DNAJC6: variants seen among roughly 807,000 people sequenced by gnomAD.
The protein encoded by DNAJC6 is DnaJ heat shock protein family (Hsp40) member C6.
DNAJC6 carries 34 observed loss-of-function variants against 110.0 expected under a neutral mutation model. That is an observed-to-expected ratio of 0.31 (90% CI 0.24 to 0.41). The LOEUF is 0.41. Among genes scored for constraint, DNAJC6 ranks in the 10% least tolerant of loss-of-function variants. The probability of loss-of-function intolerance (pLI) is 1.00; values close to 1 mark genes in which losing one functional copy is unlikely to be tolerated. For missense variants in DNAJC6, 1,031 were observed against 1,207.8 expected (o/e 0.85, Z 2.17); for synonymous variants, 406 against 437.2 (o/e 0.93, Z 0.89).
intron 1 of DNAJC6, among the ~76,000 whole-genome samples, chr1:65,322,911 T>C (rs1195009100): frequency 6.6e-6 from 1 of 152,176 alleles, no homozygotes; most frequent in African/African-American, 2.4e-5. Flanking sequence ...AGGTAGGCAA[T>C]ACATATTCAA....
chr1:65,377,235 G>A (rs1645775492), intron 4 of DNAJC6, among the ~76,000 whole-genome samples: 1 of 152,180 alleles, frequency 6.6e-6, no homozygotes, highest in Admixed American at 6.5e-5. Context: ...AAGATGAATT[G>A]GAGTTTACCA....
chr1:65,391,198 A>G (rs980782343), intron 11 of DNAJC6, among the ~76,000 whole-genome samples: 3 of 152,232 alleles, frequency 2.0e-5, no homozygotes, highest in Non-Finnish European at 4.4e-5. Flanking sequence ...CCTAAGTGAG[A>G]TAAATGAAGA....
At chr1:65,410,936 G>T (rs959797677) in intron 17 of DNAJC6, among the ~76,000 whole-genome samples, 8 of 152,320 alleles carry the variant, frequency 5.3e-5, no homozygotes, top group African/African-American at 1.9e-4. Flanking sequence ...ATTTAGTGCA[G>T]TATCTACCCT....
Position 65,336,999 on chromosome 1 carries a change from T to TTTG in DNAJC6, c.193+27080_193+27082dup, listed in dbSNP as rs372742654. Among the ~76,000 whole-genome samples the TTTG allele has an allele frequency of 2.7e-4, 41 of 151,750 alleles. 1 individual carries two copies. Among genetic ancestry groups the TTTG allele is most frequent in the African/African-American group, 2.4e-5 (1 of 41,302 alleles). On this transcript the variant is annotated intron_variant, in intron 1 of 18. Coordinates refer to ENST00000371069, the MANE Select transcript of DNAJC6 (RefSeq NM_001256864.2). ...ATGTCTCTTTTGTTCCTGTGTAATT[T>TTTG]TTGTTGTTGTTGTTGTTGTTGGGAA...
At chr1:65,320,589 T>A (rs554202384) in intron 1 of DNAJC6, among the ~76,000 whole-genome samples, 1 of 152,334 alleles carries the variant, frequency 6.6e-6, no homozygotes, top group East Asian at 1.9e-4. Flanking sequence ...CAGTTGATAC[T>A]CTTCATTCAT....
At chr1:65,389,842 C>T (rs929528074) in intron 11 of DNAJC6, among the ~76,000 whole-genome samples, 4 of 152,102 alleles carry the variant, frequency 2.6e-5, no homozygotes, top group Non-Finnish European at 4.4e-5. Flanking sequence ...GAGACCCTAT[C>T]TCAACAAAAA....
chr1:65,309,886 G>T lies in DNAJC6; in HGVS notation c.141G>T (p.Ala47=). The change falls in exon 1 of 19, where the codon GCG becomes GCT. Residue 47 remains alanine, a synonymous_variant. Coordinates refer to ENST00000371069, the MANE Select transcript of DNAJC6 (RefSeq NM_001256864.2). ...GKQRVNAGAA[A]RSPARQPPDR... is the part of the protein sequence containing the mutation. ...AGAGAGTGAACGCCGGGGCAGCGGC[G>T]CGGAGTCCCGCCCGACAGCCTCCGG... is the stretch of plus-strand genomic sequence containing the variant. 2 of 1,544,278 alleles carry T rather than the reference G, an allele frequency of 1.3e-6. No individual in the cohort carries two copies. Among genetic ancestry groups the T allele is most frequent in the Non-Finnish European group, 1.7e-6 (2 of 1,143,908 alleles).
At chr1:65,278,932 G>A in intron 1 of DNAJC6, 1 of 978,786 alleles carries the variant, frequency 1.0e-6, no homozygotes, top group Non-Finnish European at 1.2e-6. Context: ...GATGTATCCT[G>A]CGAGTCAGCA....
chr1:65,379,574 G>A, intron 5 of DNAJC6, 50 bp downstream of exon 5: 1 of 1,608,076 alleles, frequency 6.2e-7, no homozygotes, highest in Non-Finnish European at 8.5e-7. Flanking sequence ...GGTCAAATAT[G>A]GATGAGCCTG....
At chr1:65,406,565 A>T (rs542362042) in intron 16 of DNAJC6, among the ~76,000 whole-genome samples, 13 of 152,104 alleles carry the variant, frequency 8.5e-5, no homozygotes, top group Non-Finnish European at 1.5e-4. Flanking sequence ...AAAGTTGGGG[A>T]ATCTTTCAAG....
intron 4 of DNAJC6, 27 bp downstream of exon 4, chr1:65,366,223 A>G: frequency 4.3e-6 from 7 of 1,611,262 alleles, no homozygotes; most frequent in Non-Finnish European, 5.1e-6. Context: ...CTGAGATCAT[A>G]CTGTTGAAGA....
chr1:65,345,229 C>CGTGT (rs55934054), intron 1 of DNAJC6, among the ~76,000 whole-genome samples: 3,634 of 143,902 alleles, frequency 0.025, 149 homozygotes, highest in Admixed American at 0.12. Context: ...CTCTCCCTTT[C>CGTGT]GTGTGTGTGT....
At chr1:65,272,304 G>A (rs541308130) in intron 1 of DNAJC6, among the ~76,000 whole-genome samples, 1 of 152,290 alleles carries the variant, frequency 6.6e-6, no homozygotes, top group Non-Finnish European at 1.5e-5. Flanking sequence ...TGTATTATGT[G>A]CATCATATGA....
intron 1 of DNAJC6, among the ~76,000 whole-genome samples, chr1:65,275,543 G>A (rs1458993044): frequency 6.6e-6 from 1 of 152,128 alleles, no homozygotes; most frequent in African/African-American, 2.4e-5. Flanking sequence ...TGTCCCAGGT[G>A]TGGTTTTCTT....
At chr1:65,358,740 A>T (rs563439960) in intron 1 of DNAJC6, among the ~76,000 whole-genome samples, 202 of 152,332 alleles carry the variant, frequency 1.3e-3, no homozygotes, top group African/African-American at 4.7e-3. Flanking sequence ...ATATGGCGTT[A>T]TTAGAGATAT....
intron 1 of DNAJC6, among the ~76,000 whole-genome samples, chr1:65,301,588 A>G (rs1388740389): frequency 6.6e-6 from 1 of 152,116 alleles, no homozygotes; most frequent in Non-Finnish European, 1.5e-5. Flanking sequence ...AACTCAGGGA[A>G]ACACGTTTAT....
chr1:65,286,964 T>C (rs1447889457), intron 1 of DNAJC6, among the ~76,000 whole-genome samples: 1 of 152,204 alleles, frequency 6.6e-6, no homozygotes, highest in Non-Finnish European at 1.5e-5. Flanking sequence ...AACCCATGTT[T>C]TCTATGCTGT....
intron 16 of DNAJC6, among the ~76,000 whole-genome samples, chr1:65,407,392 C>G (rs1646086778): frequency 6.6e-6 from 1 of 152,142 alleles, no homozygotes; most frequent in Admixed American, 6.5e-5. Flanking sequence ...AAACCAACCG[C>G]ATATCATAGG....
At chr1:65,386,747 C>A in intron 7 of DNAJC6, 65 bp from the exon 8 acceptor site, 1 of 1,350,856 alleles carries the variant, frequency 7.4e-7, no homozygotes, top group Non-Finnish European at 1.1e-6. Flanking sequence ...AGAACTATAC[C>A]TGTGTCTGTG....
Sources: gnomAD v4.1 joint callset for allele counts (sites outside exome capture counted in the v4.1 genomes callset) on GRCh38, gnomAD v4.1.1 for gene constraint, MANE v1.5 for transcripts, NCBI Gene and HGNC (gene_info 2026-07-23, HGNC 2026-07-21) for gene names.